FOXK1: variants seen among roughly 807,000 people sequenced by gnomAD.
FOXK1 encodes the protein forkhead box protein K1.
In FOXK1, 19 loss-of-function variants were observed where a neutral mutation model predicts 51.9. The observed-to-expected ratio is 0.37, with a 90% CI of 0.26 to 0.54. The LOEUF is 0.54. FOXK1 is among the 20% of genes least tolerant of loss of function. The pLI is 0.87. For missense variants in FOXK1, 870 were observed against 1,032.7 expected (o/e 0.84, Z 2.16); for synonymous variants, 537 against 482.6 (o/e 1.11, Z -1.48).
intron 1 of FOXK1, among the ~76,000 whole-genome samples, chr7:4,705,552 T>TCTCTCTCTCGCTCTCGCTCTCGCTCTCG (rs1780076728): frequency 9.7e-5 from 14 of 143,688 alleles, no homozygotes; most frequent in African/African-American, 3.0e-4. Context: ...TCTCTCTCTC[T>TCTCTCTCTCGCTCTCGCTCTCGCTCTCG]CTCTCTCGCT....
chr7:4,753,435 G>A lies in FOXK1; in HGVS notation c.747-1024G>A, dbSNP rs1207760452. Among the ~76,000 whole-genome samples, 1 of 152,110 alleles carries A rather than the reference G, an allele frequency of 6.6e-6. No homozygotes were observed. The highest frequency in any genetic ancestry group is 1.5e-5 in the Non-Finnish European group (1 of 68,024). On this transcript the variant is annotated intron_variant, in intron 2 of 8. Coordinates refer to ENST00000328914, the MANE Select transcript of FOXK1 (RefSeq NM_001037165.2). The surrounding 1 kb of genome is among the most constrained non-coding windows in gnomAD (Gnocchi z 4.9). ...TGGATGGTTCTGGGTGGTTCTGGAT[G>A]GTTCTGGGTGGCCTGCAGGGCAGTG...
intron 1 of FOXK1, among the ~76,000 whole-genome samples, chr7:4,714,821 C>T (rs977857460): frequency 5.3e-5 from 8 of 152,248 alleles, no homozygotes; most frequent in Admixed American, 2.0e-4. Flanking sequence ...CAGTTCCCAG[C>T]GTCTTGCAAA....
Position 4,757,110 on chromosome 7 carries a change from C to T in FOXK1, c.1167C>T (p.Leu389=), listed in dbSNP as rs146951875. 34 of 1,613,564 alleles carry T rather than the reference C, an allele frequency of 2.1e-5. No homozygotes were observed. Among genetic ancestry groups the T allele is most frequent in the Non-Finnish European group, 2.8e-5 (33 of 1,179,970 alleles). ...TAGACCCTGCCTCTGAAGCCAAGCT[C>T]GTGGAACAGGCATTCCGGAAACGGA... ...WRIDPASEAK[L]VEQAFRKRRQ... Residue 389 remains leucine, a synonymous_variant, in exon 5 of 9, where the codon CTC becomes CTT. Coordinates refer to ENST00000328914, the MANE Select transcript of FOXK1 (RefSeq NM_001037165.2).
At position 4,707,351 on chromosome 7, in the gene FOXK1, C is replaced by T. The variant is rs569664892; in HGVS notation, c.560+24483C>T. Among the ~76,000 whole-genome samples, 8 of 152,284 alleles carry T rather than the reference C, an allele frequency of 5.3e-5. No individual in the cohort carries two copies. The highest frequency in any genetic ancestry group is 2.1e-4 in the South Asian group (1 of 4,822). On this transcript the variant is annotated intron_variant, in intron 1 of 8. Transcript: ENST00000328914. This position sits in a 1 kb window ranked among gnomAD's most constrained non-coding sequence, Gnocchi z 4.1. ...GGCCATCCGGGATAAACAGATGGGACGGAGAGTGCAATTTACATAACAATT... is the reference window on the plus strand; with the variant it reads ...GGCCATCCGGGATAAACAGATGGGATGGAGAGTGCAATTTACATAACAATT...
chr7:4,685,769 C>T (rs767170567), intron 1 of FOXK1, among the ~76,000 whole-genome samples: 2 of 151,670 alleles, frequency 1.3e-5, no homozygotes, highest in Non-Finnish European at 2.9e-5. Flanking sequence ...GTGGCAAAAC[C>T]CTGTCTCTAC....
In FOXK1 at chr7:4,743,935, G is replaced by A. The variant is rs1441325774; in HGVS notation, c.746+2912G>A. On this transcript the variant is annotated intron_variant, in intron 2 of 8. Coordinates refer to ENST00000328914, the MANE Select transcript of FOXK1 (RefSeq NM_001037165.2). This position sits in a 1 kb window ranked among gnomAD's most constrained non-coding sequence, Gnocchi z 5.3. Reference sequence around the variant, plus strand: ...TCTGTCGCCCAGGCTGGAGTGCAGTGGCGTGATCTTGGCTCAGTGCAAGCT... The same window carrying A: ...TCTGTCGCCCAGGCTGGAGTGCAGTAGCGTGATCTTGGCTCAGTGCAAGCT... Among the ~76,000 whole-genome samples, 2 of 150,808 alleles carry A rather than the reference G, an allele frequency of 1.3e-5. No homozygotes were observed. Among genetic ancestry groups the A allele is most frequent in the South Asian group, 2.1e-4 (1 of 4,752 alleles).
At chr7:4,705,050 T>C (rs1439107053) in intron 1 of FOXK1, among the ~76,000 whole-genome samples, 3 of 152,012 alleles carry the variant, frequency 2.0e-5, no homozygotes, top group African/African-American at 7.3e-5. Flanking sequence ...CAGGCTGGTC[T>C]CGAACTCCTG....
chr7:4,694,196 T>C (rs1479895014), intron 1 of FOXK1, among the ~76,000 whole-genome samples: 1 of 152,232 alleles, frequency 6.6e-6, no homozygotes, highest in Non-Finnish European at 1.5e-5. Flanking sequence ...AGAATGTGTT[T>C]GTATGGAGAC....
At chr7:4,759,687 G>A (rs1055569612) in intron 7 of FOXK1, 92 bp downstream of exon 7, 14 of 1,389,208 alleles carry the variant, frequency 1.0e-5, no homozygotes, top group Non-Finnish European at 1.2e-5. Context: ...CCTGGGCCTG[G>A]GGCTTGAGGA....
rs768500938 is a variant in FOXK1 at position 4,745,631 on chromosome 7, C to T, written c.746+4608C>T. On this transcript the variant is annotated intron_variant, in intron 2 of 8. Coordinates refer to ENST00000328914, the MANE Select transcript of FOXK1 (RefSeq NM_001037165.2). The surrounding 1 kb of genome is among the most constrained non-coding windows in gnomAD (Gnocchi z 4.3). ...GAAGGATTTTTACAGGCCAGGCGCC[C>T]GGTGGCTCAGGCCTGTAATCCCAGC... Among the ~76,000 whole-genome samples, 35 of 152,168 alleles carry T rather than the reference C, an allele frequency of 2.3e-4. No individual in the cohort carries two copies. Among genetic ancestry groups the T allele is most frequent in the Non-Finnish European group, 4.0e-4 (27 of 68,038 alleles).
In FOXK1 at chr7:4,766,218, T is replaced by G. The variant is rs182660542; in HGVS notation, c.*3754T>G. 10 of 152,000 alleles carry G rather than the reference T, an allele frequency of 6.6e-5. No homozygotes were observed. In the East Asian group the frequency reaches 1.7e-3, roughly 26 times the overall value. 9.4% of individuals were successfully genotyped at this position (152,000 alleles called of 1,614,324 possible). A position where few individuals can be genotyped will look rare whatever the true frequency, so the allele number is the denominator to read the frequency against. ...AACCTCAACGTTAATCCCTCACCAG[T>G]CGGGCCGAGTGTGGCCTCATGGTTC... On this transcript the variant is annotated 3_prime_UTR_variant, in exon 9 of 9. Coordinates refer to ENST00000328914, the MANE Select transcript of FOXK1 (RefSeq NM_001037165.2). This position sits in a 1 kb window ranked among gnomAD's most constrained non-coding sequence, Gnocchi z 5.5.
chr7:4,700,159 C>A (rs143423778), intron 1 of FOXK1, among the ~76,000 whole-genome samples: 1 of 152,188 alleles, frequency 6.6e-6, no homozygotes, highest in Non-Finnish European at 1.5e-5. Context: ...TGTGGCCTGT[C>A]GTTGTTTGTG....
At chr7:4,704,875 A>G (rs185469896) in intron 1 of FOXK1, among the ~76,000 whole-genome samples, 11 of 139,194 alleles carry the variant, frequency 7.9e-5, no homozygotes, top group African/African-American at 1.5e-4. Flanking sequence ...TCTGTCACCC[A>G]GGCTGGAGTG....
chr7:4,732,223 C>T (rs959491434), intron 1 of FOXK1, among the ~76,000 whole-genome samples: 1 of 152,230 alleles, frequency 6.6e-6, no homozygotes, highest in Non-Finnish European at 1.5e-5. Flanking sequence ...TTGTTCAGTC[C>T]ACAAGAACTC....
In FOXK1 at chr7:4,758,044, G is replaced by A. The variant is rs980288699; in HGVS notation, c.1244+857G>A. 2 of 152,212 alleles carry A rather than the reference G, an allele frequency of 1.3e-5. No individual in the cohort carries two copies. Among genetic ancestry groups the A allele is most frequent in the African/African-American group, 4.8e-5 (2 of 41,448 alleles). The allele number at this position is 152,212 out of a possible 1,614,324, so 9.4% of individuals were successfully genotyped here. A position where few individuals can be genotyped will look rare whatever the true frequency, so the allele number is the denominator to read the frequency against. ...TGGAAATGTGTGTAGCAATAGGAAC[G>A]GTTCCTAAGGCCAAGAATAAATGGA... On this transcript the variant is annotated intron_variant, in intron 5 of 8. Transcript: ENST00000328914. The surrounding 1 kb of genome is among the most constrained non-coding windows in gnomAD (Gnocchi z 4.4).
In FOXK1 at chr7:4,769,964, CG is replaced by C. The variant is rs1226130511; in HGVS notation, c.*7503del. 2.6e-5 allele frequency: 4 copies of C among 152,280 alleles called. 1 individual carries two copies. In the South Asian group the frequency reaches 8.3e-4, roughly 32 times the overall value. 9.4% of individuals were successfully genotyped at this position (152,280 alleles called of 1,614,324 possible). ...CAGGGGAAGCGAAGTGGCTTCAATCCGGGCTGACAGCCAAGAAGAGTTTTCC... is the reference window on the plus strand; with the variant it reads ...CAGGGGAAGCGAAGTGGCTTCAATCCGGCTGACAGCCAAGAAGAGTTTTCC... On this transcript the variant is annotated 3_prime_UTR_variant, in exon 9 of 9. Transcript: ENST00000328914. The surrounding 1 kb of genome is among the most constrained non-coding windows in gnomAD (Gnocchi z 4.1).
At chr7:4,713,684 G>T (rs1030552741) in intron 1 of FOXK1, among the ~76,000 whole-genome samples, 3 of 151,858 alleles carry the variant, frequency 2.0e-5, no homozygotes, top group African/African-American at 7.3e-5. Flanking sequence ...TAGAGACAGG[G>T]TTTCACTGTG....
chr7:4,751,400 A>G (rs371641890), intron 2 of FOXK1, among the ~76,000 whole-genome samples: 94 of 152,192 alleles, frequency 6.2e-4, no homozygotes, highest in African/African-American at 2.1e-3. Flanking sequence ...AGCATCAGAC[A>G]TGGGATGTCT....
chr7:4,700,144 C>T (rs1352617906), intron 1 of FOXK1, among the ~76,000 whole-genome samples: 1 of 152,236 alleles, frequency 6.6e-6, no homozygotes, highest in South Asian at 2.1e-4. Context: ...CCCCACGGCA[C>T]CCTGTGTGGC....
Sources: gnomAD v4.1 joint callset for allele counts (sites outside exome capture counted in the v4.1 genomes callset) on GRCh38, gnomAD v4.1.1 for gene constraint, Gnocchi (gnomAD v3.1) non-coding constraint, MANE v1.5 for transcripts, NCBI Gene and HGNC (gene_info 2026-07-23, HGNC 2026-07-21) for gene names.